The following SLIT3 variants were observed in gnomAD, a reference collection of about 807,000 sequenced individuals.
SLIT3 encodes the protein slit guidance ligand 3.
Under a neutral mutation model 184.0 loss-of-function variants are expected in SLIT3, and 68 were observed. The observed-to-expected ratio is 0.37, with a 90% CI of 0.30 to 0.45. The LOEUF (loss-of-function observed/expected upper bound fraction) is 0.45. Among genes scored for constraint, SLIT3 ranks in the 20% least tolerant of loss-of-function variants. SLIT3 has a pLI of 1.00. For missense variants in SLIT3, 1,707 were observed against 2,026.0 expected (o/e 0.84, Z 3.02); for synonymous variants, 831 against 828.6 (o/e 1.00, Z -0.05).
chr5:169,092,814 C>A (rs1171697915), intron 4 of SLIT3, among the ~76,000 whole-genome samples: 1 of 152,144 alleles, frequency 6.6e-6, no homozygotes, highest in Non-Finnish European at 1.5e-5. Flanking sequence ...GTCCTGAGCC[C>A]AATTCTTCAG....
intron 4 of SLIT3, among the ~76,000 whole-genome samples, chr5:168,950,844 C>A (rs551389420): frequency 1.4e-4 from 21 of 152,360 alleles, no homozygotes; most frequent in Non-Finnish European, 2.1e-4. Flanking sequence ...AATGATTTAT[C>A]TGCCTCTCAT....
chr5:168,858,610 C>T (rs1758989411), intron 5 of SLIT3, among the ~76,000 whole-genome samples: 1 of 152,230 alleles, frequency 6.6e-6, no homozygotes, highest in Admixed American at 6.5e-5. Flanking sequence ...CGTTGGGCTC[C>T]CAGCAGCTTT....
At chr5:168,728,277 C>CATATATATAT (rs3061738) in intron 20 of SLIT3, among the ~76,000 whole-genome samples, 4,533 of 140,816 alleles carry the variant, frequency 0.032, 97 homozygotes, top group Non-Finnish European at 0.051. Flanking sequence ...TAATCAACAA[C>CATATATATAT]ATATATATAT....
chr5:168,666,997 T>C lies in SLIT3; in HGVS notation c.4337-308A>G, dbSNP rs114748716. Among the ~76,000 whole-genome samples, 144 of 152,252 alleles carry C rather than the reference T, an allele frequency of 9.5e-4. 1 individual carries two copies. The highest frequency in any genetic ancestry group is 3.4e-3 in the Middle Eastern group (1 of 294). ...AACTAGATGACGCAAACTGATAGAC[T>C]GTGGGCCAAATCCTGACCCCAGACC... On this transcript the variant is annotated intron_variant, in intron 35 of 35. Transcript: ENST00000519560.
intron 4 of SLIT3, among the ~76,000 whole-genome samples, chr5:168,999,399 C>A (rs1755626867): frequency 6.6e-6 from 1 of 151,320 alleles, no homozygotes; most frequent in Non-Finnish European, 1.5e-5. Context: ...ATAATTACCC[C>A]CATCCCATAA....
At position 169,032,922 on chromosome 5, in the gene SLIT3, ATTTTTTTTTT is replaced by A. The variant is rs199911562; in HGVS notation, c.414-149596_414-149587del. Among the ~76,000 whole-genome samples the A allele has an allele frequency of 1.7e-3, 147 of 88,124 alleles. 1 individual carries two copies. The highest frequency in any genetic ancestry group is 8.6e-3 in the Middle Eastern group (1 of 116). The allele number at this position is 88,124 out of a possible 152,430, so 57.8% of individuals were successfully genotyped here. On this transcript the variant is annotated intron_variant, in intron 4 of 35. Coordinates refer to ENST00000519560, the MANE Select transcript of SLIT3 (RefSeq NM_003062.4). ...TCTCATAAGTATCCATTTTTCCTTG[ATTTTTTTTTT>A]TTTTTTTTTTTTTTTTTTGGTGGCA...
chr5:169,110,940 G>A (rs1050093654), intron 4 of SLIT3, among the ~76,000 whole-genome samples: 1 of 152,176 alleles, frequency 6.6e-6, no homozygotes, highest in Non-Finnish European at 1.5e-5. Context: ...TCTGTAACAT[G>A]GGCTGTGGTG....
intron 4 of SLIT3, among the ~76,000 whole-genome samples, chr5:168,989,085 A>C (rs1755230723): frequency 6.6e-6 from 1 of 152,252 alleles, no homozygotes; most frequent in Non-Finnish European, 1.5e-5. Flanking sequence ...GTATTTTATT[A>C]GAAAGCTACA....
At chr5:169,033,192 C>T (rs963363552) in intron 4 of SLIT3, among the ~76,000 whole-genome samples, 1 of 152,012 alleles carries the variant, frequency 6.6e-6, no homozygotes. Context: ...TCCACATATA[C>T]TTGAAACAAT....
intron 4 of SLIT3, among the ~76,000 whole-genome samples, chr5:168,906,126 C>T (rs1167485302): frequency 6.6e-6 from 1 of 152,150 alleles, no homozygotes; most frequent in Non-Finnish European, 1.5e-5. Flanking sequence ...TTCCTCTCCC[C>T]ACCTTGCCCA....
At chr5:169,162,107 C>T (rs976062623) in intron 4 of SLIT3, among the ~76,000 whole-genome samples, 5 of 152,204 alleles carry the variant, frequency 3.3e-5, no homozygotes, top group African/African-American at 4.8e-5. Flanking sequence ...GAGGGTGCTA[C>T]TGGATCCTTG....
intron 4 of SLIT3, among the ~76,000 whole-genome samples, chr5:169,178,764 A>T (rs764207428): frequency 2.0e-4 from 31 of 152,068 alleles, no homozygotes; most frequent in South Asian, 6.2e-4. Flanking sequence ...CACCCAATTC[A>T]TTTAATGAAT....
intron 4 of SLIT3, among the ~76,000 whole-genome samples, chr5:168,953,660 G>T (rs1581241354): frequency 6.6e-6 from 1 of 152,178 alleles, no homozygotes; most frequent in African/African-American, 2.4e-5. Flanking sequence ...TGTTACCACT[G>T]CTGCAGAGCC....
chr5:168,814,166 C>T (rs1211699148), intron 8 of SLIT3, among the ~76,000 whole-genome samples: 2 of 151,846 alleles, frequency 1.3e-5, no homozygotes, highest in Non-Finnish European at 2.9e-5. Flanking sequence ...GAGGCCGAGG[C>T]GGGTGGATCA....
At chr5:168,974,846 G>A (rs1754694470) in intron 4 of SLIT3, among the ~76,000 whole-genome samples, 1 of 152,188 alleles carries the variant, frequency 6.6e-6, no homozygotes, top group African/African-American at 2.4e-5. Context: ...GGGGGTTCAG[G>A]AAATCCCCAG....
intron 5 of SLIT3, among the ~76,000 whole-genome samples, chr5:168,863,748 T>G (rs890215560): frequency 2.0e-5 from 3 of 152,166 alleles, no homozygotes; most frequent in Non-Finnish European, 4.4e-5. Flanking sequence ...CTCATAAAAT[T>G]GTTTTATGTT....
rs1946193 is a variant in SLIT3 at position 169,247,141 on chromosome 5, G to A, written c.270-2365C>T. On this transcript the variant is annotated intron_variant, in intron 2 of 35. Coordinates refer to ENST00000519560, the MANE Select transcript of SLIT3 (RefSeq NM_003062.4). ...TGAGACATGAGAATCACTTGAACCC[G>A]GGAGGTGGAGGTTGCAGTGAGCTAA... Among the ~76,000 whole-genome samples, 901 of 150,444 alleles carry A rather than the reference G, an allele frequency of 6.0e-3. 6 individuals carry two copies. Among genetic ancestry groups the A allele is most frequent in the Non-Finnish European group, 8.5e-3 (573 of 67,694 alleles).
intron 4 of SLIT3, among the ~76,000 whole-genome samples, chr5:168,910,805 TAAC>T (rs1280919436): frequency 6.6e-6 from 1 of 151,416 alleles, no homozygotes; most frequent in Non-Finnish European, 1.5e-5. Flanking sequence ...GAGATGGTAA[TAAC>T]AAACATATCT....
intron 4 of SLIT3, among the ~76,000 whole-genome samples, chr5:169,097,618 C>T (rs62376872): frequency 0.07 from 10,209 of 145,208 alleles, 423 homozygotes; most frequent in Middle Eastern, 0.15. Flanking sequence ...GTTTATTCTA[C>T]GAAGAGTAGT....
Sources: gnomAD v4.1 joint callset for allele counts (sites outside exome capture counted in the v4.1 genomes callset) on GRCh38, gnomAD v4.1.1 for gene constraint, MANE v1.5 for transcripts, NCBI Gene and HGNC (gene_info 2026-07-23, HGNC 2026-07-21) for gene names.